The following TRIM8 variants were observed in gnomAD, a reference collection of about 807,000 sequenced individuals.
TRIM8 encodes tripartite motif containing 8.
TRIM8 carries 9 observed loss-of-function variants against 55.7 expected under a neutral mutation model. The ratio of observed to expected loss-of-function variants is 0.16; its 90% CI spans 0.10 to 0.28. The LOEUF (loss-of-function observed/expected upper bound fraction) is 0.28. Ranked by LOEUF, TRIM8 falls within the 10% of genes least tolerant of loss-of-function variation. The probability of loss-of-function intolerance (pLI) is 1.00; values close to 1 mark genes in which losing one functional copy is unlikely to be tolerated. For synonymous variants in TRIM8, 335 were observed against 333.3 expected (o/e 1.01, Z -0.06); for missense variants, 556 against 736.4 (o/e 0.76, Z 2.83).
rs542033983 is a variant in TRIM8, at chr10:102,656,527, A to G, written c.1048+142A>G. ...AGGCTTTGCCACTTGTAGCTGTGGGACAGTGGGTAAGCAACATGACCTCCC... is the reference window on the plus strand; with the variant it reads ...AGGCTTTGCCACTTGTAGCTGTGGGGCAGTGGGTAAGCAACATGACCTCCC... On this transcript the variant is annotated intron_variant, in intron 5 of 5. Coordinates refer to ENST00000643721, the MANE Select transcript of TRIM8 (RefSeq NM_030912.3). This position sits in a 1 kb window ranked among gnomAD's most constrained non-coding sequence, Gnocchi z 4.6. 338 of 1,389,460 alleles carry G rather than the reference A, an allele frequency of 2.4e-4. No individual in the cohort carries two copies. The South Asian group carries it at 4.7e-3, about 19-fold the overall frequency. 86.1% of individuals were successfully genotyped at this position (1,389,460 alleles called of 1,614,324 possible). A position where few individuals can be genotyped will look rare whatever the true frequency, so the allele number is the denominator to read the frequency against.
intron 1 of TRIM8, among the ~76,000 whole-genome samples, chr10:102,650,966 C>T (rs2063979738): frequency 6.6e-6 from 1 of 152,174 alleles, no homozygotes; most frequent in South Asian, 2.1e-4. Flanking sequence ...CTTCCAGTTT[C>T]CCAGGCTTGA....
In TRIM8 at chr10:102,657,074, A is replaced by T. The variant is rs776933883; in HGVS notation, c.1376A>T (p.Gln459Leu). Residue 459 changes from glutamine (Q) to leucine (L), a missense_variant, in exon 6 of 6, where the codon CAG becomes CTG. This residue lies in a region of TRIM8 where 391 missense variants were observed against 441.0 expected (regional missense o/e 0.89). Coordinates refer to ENST00000643721, the MANE Select transcript of TRIM8 (RefSeq NM_030912.3). ...GSAAQQPMLP[Q>L]YGGRKILVCS... ...GCCGCCCAGCAGCCCATGCTCCCCCAGTATGGCGGCCGCAAGATTCTCGTC... is the reference window on the plus strand; with the variant it reads ...GCCGCCCAGCAGCCCATGCTCCCCCTGTATGGCGGCCGCAAGATTCTCGTC... 20 of 1,613,494 alleles carry T rather than the reference A, an allele frequency of 1.2e-5. No individual in the cohort carries two copies. Among genetic ancestry groups the T allele is most frequent in the Non-Finnish European group, 1.6e-5 (19 of 1,179,966 alleles).
intron 3 of TRIM8, 87 bp downstream of exon 3, chr10:102,655,400 T>C: frequency 8.0e-7 from 1 of 1,255,772 alleles, no homozygotes; most frequent in South Asian, 1.3e-5. Context: ...GTAGCTCACA[T>C]GCCCTTACCT....
Position 102,656,667 on chromosome 10 carries a change from C to A in TRIM8, c.1049-80C>A. ...TCTTGGGCCTCTAGGTGTCAATGGTCCCCAGGTCCAACCCAGGGAGAGGAG... is the reference window on the plus strand; with the variant it reads ...TCTTGGGCCTCTAGGTGTCAATGGTACCCAGGTCCAACCCAGGGAGAGGAG... On this transcript the variant is annotated intron_variant, in intron 5 of 5. Coordinates refer to ENST00000643721, the MANE Select transcript of TRIM8 (RefSeq NM_030912.3). This position sits in a 1 kb window ranked among gnomAD's most constrained non-coding sequence, Gnocchi z 4.6. The A allele has an allele frequency of 6.6e-7, 1 of 1,504,812 alleles. No individual in the cohort carries two copies. The highest frequency in any genetic ancestry group is 8.9e-7 in the Non-Finnish European group (1 of 1,128,314). 93.2% of individuals were successfully genotyped at this position (1,504,812 alleles called of 1,614,324 possible). A position where few individuals can be genotyped will look rare whatever the true frequency, so the allele number is the denominator to read the frequency against.
intron 1 of TRIM8, chr10:102,649,351 AAGG>A (rs780498379): frequency 6.6e-6 from 1 of 152,468 alleles, no homozygotes; most frequent in Non-Finnish European, 1.5e-5. Context: ...TTGTTGGGGA[AAGG>A]AGGGAAAGAT....
At position 102,656,116 on chromosome 10, in the gene TRIM8, CTG is replaced by C. The variant is rs1263570550; in HGVS notation, c.914_915del (p.Val305GlufsTer19). 1.2e-6 allele frequency: 2 copies of C among 1,614,200 alleles called. No homozygotes were observed. On this transcript the variant is annotated frameshift_variant, in exon 4 of 6. Coordinates refer to ENST00000643721, the MANE Select transcript of TRIM8 (RefSeq NM_030912.3). LOFTEE classifies it high-confidence loss of function. This position sits in a 1 kb window ranked among gnomAD's most constrained non-coding sequence, Gnocchi z 4.6. ...TTCTCTCCCCAACAGAACACCAAGT[CTG>C]TGAAAATCCTGATGGACAGGTAAGC...
At chr10:102,651,213 G>C (rs1166996963) in intron 1 of TRIM8, among the ~76,000 whole-genome samples, 1 of 152,246 alleles carries the variant, frequency 6.6e-6, no homozygotes, top group Non-Finnish European at 1.5e-5. Context: ...TGTGTGGCCT[G>C]GGCTGGTGTC....
Position 102,656,208 on chromosome 10 carries a change from G to A in TRIM8, c.933-62G>A. On this transcript the variant is annotated intron_variant, in intron 4 of 5. Transcript: ENST00000643721. This position sits in a 1 kb window ranked among gnomAD's most constrained non-coding sequence, Gnocchi z 4.6. ...GCAGGGGGGCCAGGCCCATGGCGGG[G>A]AGGTAGGGCGGGCTCACCGGTGATG... 1.2e-6 allele frequency: 2 copies of A among 1,614,116 alleles called. No individual in the cohort carries two copies. Among genetic ancestry groups the A allele is most frequent in the South Asian group, 1.1e-5 (1 of 91,078 alleles).
intron 3 of TRIM8, 134 bp downstream of exon 3, chr10:102,655,447 T>A: frequency 2.4e-6 from 2 of 845,402 alleles, no homozygotes; most frequent in Non-Finnish European, 3.8e-6. Flanking sequence ...TCCACCTGCC[T>A]GCTCTTTCTA....
Position 102,644,536 on chromosome 10 carries a change from G to C in TRIM8, c.-82G>C, listed in dbSNP as rs1219195414. On this transcript the variant is annotated 5_prime_UTR_variant, in exon 1 of 6. Transcript: ENST00000643721. Reference sequence around the variant, plus strand: ...CGGCTGGGGCCGGAGCTCGGGGCTCGGTGGGCCTACAGCGGCTCCGGACGG... The same window carrying C: ...CGGCTGGGGCCGGAGCTCGGGGCTCCGTGGGCCTACAGCGGCTCCGGACGG... The C allele has an allele frequency of 1.5e-6, 2 of 1,370,740 alleles. No homozygotes were observed. Among genetic ancestry groups the C allele is most frequent in the South Asian group, 1.3e-5 (1 of 74,624 alleles). 84.9% of individuals were successfully genotyped at this position (1,370,740 alleles called of 1,614,324 possible). A position where few individuals can be genotyped will look rare whatever the true frequency, so the allele number is the denominator to read the frequency against.
intron 1 of TRIM8, among the ~76,000 whole-genome samples, chr10:102,650,803 G>A (rs148397661): frequency 1.4e-3 from 208 of 152,284 alleles, no homozygotes; most frequent in African/African-American, 4.9e-3. Flanking sequence ...GGGTTGGGAT[G>A]GAAAGGAGGC....
intron 1 of TRIM8, among the ~76,000 whole-genome samples, chr10:102,650,821 G>T (rs981611779): frequency 2.6e-5 from 4 of 152,158 alleles, no homozygotes; most frequent in Admixed American, 2.0e-4. Flanking sequence ...GGCTGCTGGT[G>T]GTGGGGGGTC....
At position 102,657,128 on chromosome 10, in the gene TRIM8, C is replaced by A. The variant is rs1336187295; in HGVS notation, c.1430C>A (p.Ser477Tyr). 2 of 1,613,952 alleles carry A rather than the reference C, an allele frequency of 1.2e-6. No homozygotes were observed. The highest frequency in any genetic ancestry group is 2.2e-5 in the South Asian group (2 of 91,086). ...TCTGTGGACAACTGTTACTGTTCTT[C>A]CGTGGCCAACCATGGCGGCCACCAG... ...VCSVDNCYCS[S>Y]VANHGGHQPY... is the part of the protein sequence containing the mutation. Residue 477 changes from serine (S) to tyrosine (Y), a missense_variant, in exon 6 of 6, where the codon TCC (serine) becomes TAC (tyrosine). Physicochemically the swap from Ser to Tyr is moderately radical, Grantham distance 144 (BLOSUM62 -2). Coordinates refer to ENST00000643721, the MANE Select transcript of TRIM8 (RefSeq NM_030912.3).
At chr10:102,654,584 G>A in intron 1 of TRIM8, 69 bp from the exon 2 acceptor site, 5 of 1,211,848 alleles carry the variant, frequency 4.1e-6, no homozygotes, top group East Asian at 4.6e-5. Context: ...CATGTGTTGT[G>A]TAGAGGGAAG....
chr10:102,657,376 C>A lies in TRIM8; in HGVS notation c.*22C>A. On this transcript the variant is annotated 3_prime_UTR_variant, in exon 6 of 6. Transcript: ENST00000643721. The stretch of plus-strand genomic sequence containing the variant: ...CTAACGCCACGCAGGCGGCGGGGCG[C>A]TGGGGAATCTTCCTCCCCAGCCCCC... 2 of 1,531,830 alleles carry A rather than the reference C, an allele frequency of 1.3e-6. No individual in the cohort carries two copies. The highest frequency in any genetic ancestry group is 1.8e-6 in the Non-Finnish European group (2 of 1,137,362). The allele number at this position is 1,531,830 out of a possible 1,614,324, so 94.9% of individuals were successfully genotyped here.
intron 1 of TRIM8, among the ~76,000 whole-genome samples, chr10:102,652,318 G>C (rs2063991966): frequency 6.6e-6 from 1 of 152,336 alleles, no homozygotes; most frequent in African/African-American, 2.4e-5. Context: ...GGGTGAGGAA[G>C]GGATTGATGG....
chr10:102,654,899 A>G (rs1590109235), intron 2 of TRIM8, 151 bp downstream of exon 2: 3 of 915,990 alleles, frequency 3.3e-6, no homozygotes, highest in Non-Finnish European at 5.3e-6. Context: ...CACTGGTGCC[A>G]GGGGATGCTG....
In TRIM8 at chr10:102,656,301, C is replaced by A; in HGVS notation, c.964C>A (p.Pro322Thr). The A allele has an allele frequency of 6.2e-7, 1 of 1,614,198 alleles. No homozygotes were observed. The highest frequency in any genetic ancestry group is 8.5e-7 in the Non-Finnish European group (1 of 1,180,030). The change falls in exon 5 of 6, where the codon CCC (proline) becomes ACC (threonine). Residue 322 changes from proline to threonine, a missense_variant. This residue lies in a region of TRIM8 where 391 missense variants were observed against 441.0 expected (regional missense o/e 0.89). Coordinates refer to ENST00000643721, the MANE Select transcript of TRIM8 (RefSeq NM_030912.3). This position sits in a 1 kb window ranked among gnomAD's most constrained non-coding sequence, Gnocchi z 4.6. ...GACCTGCACGAGCAGCAGCCTTTCC[C>A]CCACTAAGATCGGCCACCTGAACTC... The part of the protein sequence containing the change: ...TQTCTSSSLS[P>T]TKIGHLNSKL...
intron 1 of TRIM8, among the ~76,000 whole-genome samples, chr10:102,647,255 C>T (rs986983526): frequency 2.0e-5 from 3 of 152,092 alleles, no homozygotes; most frequent in South Asian, 2.1e-4. Flanking sequence ...TGTGTGCGTG[C>T]GCGTGCATGC....
Sources: gnomAD v4.1 joint callset for allele counts (sites outside exome capture counted in the v4.1 genomes callset) on GRCh38, gnomAD v4.1.1 for gene constraint, gnomAD v4.1.1 regional missense constraint, Gnocchi (gnomAD v3.1) non-coding constraint, MANE v1.5 for transcripts, NCBI Gene and HGNC (gene_info 2026-07-23, HGNC 2026-07-21) for gene names.